The following KCNK2 variants were observed in gnomAD, a reference collection of about 807,000 sequenced individuals.
The protein encoded by KCNK2 is potassium channel subfamily K member 2.
KCNK2 carries 21 observed loss-of-function variants against 40.5 expected under a neutral mutation model. The observed-to-expected ratio is 0.52, with a 90% CI of 0.37 to 0.75. The LOEUF is 0.75. KCNK2 is among the 30% of genes least tolerant of loss of function. KCNK2 has a pLI of 0.00. For missense variants in KCNK2, 399 were observed against 531.6 expected, an observed-to-expected ratio of 0.75 and a Z score of 2.45; for synonymous variants, 191 against 202.2, an observed-to-expected ratio of 0.94 and a Z score of 0.47.
chr1:215,148,324 C>T (rs1662529120), intron 3 of KCNK2, among the ~76,000 whole-genome samples: 1 of 151,814 alleles, frequency 6.6e-6, no homozygotes, highest in South Asian at 2.1e-4. Context: ...ATCCACCTGC[C>T]TCAACCTCCC....
rs1433502662 is a variant in KCNK2 at position 215,082,886 on chromosome 1, GC to G, written c.-499del. Among the ~76,000 whole-genome samples the G allele has an allele frequency of 1.3e-5, 2 of 151,888 alleles. No individual in the cohort carries two copies. Among genetic ancestry groups the G allele is most frequent in the Middle Eastern group, 3.5e-3 (1 of 288 alleles). ...GACACACAAAGACATGCGAAGAGGG[GC>G]TGAACGAGGCTCGCGCACAAAGACG... On this transcript the variant is annotated 5_prime_UTR_variant, in exon 1 of 7. It introduces an in-frame stop codon into an upstream open reading frame of the 5' UTR. Transcript: ENST00000444842.
intron 1 of KCNK2, among the ~76,000 whole-genome samples, chr1:215,037,505 AT>A (rs749459586): frequency 5.9e-5 from 9 of 151,928 alleles, no homozygotes; most frequent in Non-Finnish European, 1.2e-4. Flanking sequence ...TTATAATGAC[AT>A]TGCAAGATTT....
chr1:215,177,741 T>TATATA (rs1553270860), intron 5 of KCNK2, among the ~76,000 whole-genome samples: 75 of 20,610 alleles, frequency 3.6e-3, no homozygotes, highest in African/African-American at 0.011. Flanking sequence ...TATATATATA[T>TATATA]TTTTTTTTTT....
intron 1 of KCNK2, among the ~76,000 whole-genome samples, chr1:215,039,775 C>A (rs1281850681): frequency 6.6e-6 from 1 of 152,086 alleles, no homozygotes; most frequent in Non-Finnish European, 1.5e-5. Context: ...CCATCGCATG[C>A]AATTTGCTTT....
At chr1:215,167,013 A>G (rs1052710579) in intron 3 of KCNK2, among the ~76,000 whole-genome samples, 1 of 152,154 alleles carries the variant, frequency 6.6e-6, no homozygotes, top group Non-Finnish European at 1.5e-5. Context: ...TTGAAAACAA[A>G]TCCCTCAGTA....
intron 1 of KCNK2, among the ~76,000 whole-genome samples, chr1:215,047,652 T>C (rs1402433862): frequency 6.6e-6 from 1 of 152,126 alleles, no homozygotes; most frequent in Non-Finnish European, 1.5e-5. Context: ...ACTTCAAATA[T>C]CCTAGAAAAT....
chr1:215,078,063 A>G (rs1659011989), upstream of KCNK2, among the ~76,000 whole-genome samples: 2 of 152,232 alleles, frequency 1.3e-5, 1 homozygote, highest in Admixed American at 1.3e-4. Context: ...TGGAAGAAGA[A>G]TAATTGTCTT....
At chr1:215,187,463 A>G (rs1558130435) in intron 5 of KCNK2, among the ~76,000 whole-genome samples, 1 of 152,200 alleles carries the variant, frequency 6.6e-6, no homozygotes, top group South Asian at 2.1e-4. Context: ...AAATCTAAGA[A>G]GTCTTATTAA....
At chr1:215,125,752 A>G (rs1423080062) in intron 3 of KCNK2, among the ~76,000 whole-genome samples, 2 of 7,654 alleles carry the variant, frequency 2.6e-4, no homozygotes, top group Non-Finnish European at 7.2e-4. Context: ...ATATATATAT[A>G]TATATATATA....
intron 3 of KCNK2, among the ~76,000 whole-genome samples, chr1:215,148,299 TC>T (rs1278735571): frequency 6.6e-6 from 1 of 151,848 alleles, no homozygotes; most frequent in East Asian, 1.9e-4. Flanking sequence ...GGTCTTGAAC[TC>T]CTGGGCTCAA....
chr1:215,112,782 C>T (rs1181253341), intron 2 of KCNK2, among the ~76,000 whole-genome samples: 1 of 152,116 alleles, frequency 6.6e-6, no homozygotes, highest in Non-Finnish European at 1.5e-5. Flanking sequence ...AAATGCTGTA[C>T]AGGTTTATAG....
chr1:215,037,364 C>G lies in KCNK2; in HGVS notation c.34+31409C>G, dbSNP rs541106965. Among the ~76,000 whole-genome samples the G allele has an allele frequency of 4.7e-4, 71 of 151,944 alleles. No individual in the cohort carries two copies. In the South Asian group the frequency reaches 0.012, roughly 25 times the overall value. On this transcript the variant is annotated intron_variant, in intron 1 of 6. Coordinates refer to the KCNK2 transcript ENST00000391895. ...TTTCAAATGTTAAGCCAATCTTATGCTCCTGAAATAAAGTCTGATTGGTTG... is the reference window on the plus strand; with the variant it reads ...TTTCAAATGTTAAGCCAATCTTATGGTCCTGAAATAAAGTCTGATTGGTTG...
At chr1:215,130,012 A>G (rs1270663804) in intron 3 of KCNK2, among the ~76,000 whole-genome samples, 3 of 152,174 alleles carry the variant, frequency 2.0e-5, no homozygotes, top group African/African-American at 7.2e-5. Flanking sequence ...GCCTCTTTCA[A>G]CCATGTCTGA....
At chr1:215,041,070 T>A (rs575157572) in intron 1 of KCNK2, among the ~76,000 whole-genome samples, 1 of 152,312 alleles carries the variant, frequency 6.6e-6, no homozygotes, top group African/African-American at 2.4e-5. Context: ...TATTTCTGGC[T>A]AAATTAAGGA....
At chr1:215,166,422 A>G (rs1663449227) in intron 3 of KCNK2, among the ~76,000 whole-genome samples, 1 of 152,256 alleles carries the variant, frequency 6.6e-6, no homozygotes, top group East Asian at 1.9e-4. Context: ...TCAGCCTATA[A>G]ATTAGTTCAA....
At chr1:215,042,602 A>C (rs896241555) in intron 1 of KCNK2, among the ~76,000 whole-genome samples, 1 of 152,172 alleles carries the variant, frequency 6.6e-6, no homozygotes, top group Admixed American at 6.5e-5. Context: ...GAAAGAACAA[A>C]CACTCTGTTT....
chr1:215,110,747 C>G (rs1462206804), intron 2 of KCNK2, among the ~76,000 whole-genome samples: 1 of 100,138 alleles, frequency 1.0e-5, no homozygotes, highest in Non-Finnish European at 2.7e-5. Flanking sequence ...CATATATTCC[C>G]TGCCCCCACA....
intron 1 of KCNK2, among the ~76,000 whole-genome samples, chr1:215,061,484 T>G (rs1329268922): frequency 6.6e-6 from 1 of 152,140 alleles, no homozygotes; most frequent in African/African-American, 2.4e-5. Context: ...TATCACATGT[T>G]TCTGGGTTTA....
intron 6 of KCNK2, among the ~76,000 whole-genome samples, chr1:215,211,800 A>G (rs1437712411): frequency 6.6e-5 from 10 of 152,178 alleles, no homozygotes; most frequent in Non-Finnish European, 4.4e-5. Context: ...TAATATATCT[A>G]TATCTCACTG....
Sources: allele counts gnomAD v4.1 joint callset (sites outside exome capture counted in the v4.1 genomes callset), GRCh38; gene constraint gnomAD v4.1.1; transcripts MANE v1.5; gene names NCBI Gene and HGNC (gene_info 2026-07-23, HGNC 2026-07-21).